Variants in KBTBD4 observed in about 807,000 individuals in gnomAD.
KBTBD4 encodes kelch repeat and BTB domain containing 4.
Under a neutral mutation model 43.9 loss-of-function variants are expected in KBTBD4, and 30 were observed. That is an observed-to-expected ratio of 0.68 (90% CI 0.51 to 0.93). The LOEUF (loss-of-function observed/expected upper bound fraction) is 0.93, where lower values mean the gene tolerates loss of function less well. Among genes scored for constraint, KBTBD4 ranks in the 40% least tolerant of loss-of-function variants. KBTBD4 has a pLI of 0.00. For missense variants in KBTBD4, 575 were observed against 668.8 expected, an observed-to-expected ratio of 0.86 and a Z score of 1.55; for synonymous variants, 258 against 256.9, an observed-to-expected ratio of 1.00 and a Z score of -0.04.
chr11:47,578,766 G>C lies in KBTBD4; in HGVS notation c.19+167C>G, dbSNP rs1033051502. 2.7e-6 allele frequency: 4 copies of C among 1,505,294 alleles called. No homozygotes were observed. The Admixed American group carries it at 6.4e-5, about 24-fold the overall frequency. 93.2% of individuals were successfully genotyped at this position (1,505,294 alleles called of 1,614,324 possible). A position where few individuals can be genotyped will look rare whatever the true frequency, so the allele number is the denominator to read the frequency against. On this transcript the variant is annotated intron_variant, in intron 1 of 3. Coordinates refer to ENST00000430070, the MANE Select transcript of KBTBD4 (RefSeq NM_018095.6). ...CCGCCCTCGTCAAAAGCTTGGCTCA[G>C]AGAGCGGGGGAGGGGTGTGTAGCGT...
chr11:47,576,304 C>G (rs1315421593), intron 2 of KBTBD4, among the ~76,000 whole-genome samples: 1 of 150,662 alleles, frequency 6.6e-6, no homozygotes, highest in Non-Finnish European at 1.5e-5. Flanking sequence ...GTAGCTGGGT[C>G]TACAGGCGCC....
chr11:47,577,153 A>AT (rs2097261215), intron 2 of KBTBD4, among the ~76,000 whole-genome samples: 1 of 152,346 alleles, frequency 6.6e-6, no homozygotes, highest in African/African-American at 2.4e-5. Flanking sequence ...TATAATACAA[A>AT]TCACTCCTCA....
Position 47,573,905 on chromosome 11 carries a change from C to T in KBTBD4, c.745-115G>A. The T allele has an allele frequency of 1.1e-6, 1 of 948,300 alleles. No homozygotes were observed. Among genetic ancestry groups the T allele is most frequent in the Non-Finnish European group, 1.6e-6 (1 of 635,382 alleles). 58.7% of individuals were successfully genotyped at this position (948,300 alleles called of 1,614,324 possible). On this transcript the variant is annotated intron_variant, in intron 3 of 3. Transcript: ENST00000430070. The surrounding 1 kb of genome is among the most constrained non-coding windows in gnomAD (Gnocchi z 4.1). ...ACTTGTTCCTAGCTTTATCATACTA[C>T]TCTCTAATTACTGTATGGCATCCAA...
chr11:47,575,827 A>G (rs2097258199), intron 2 of KBTBD4, 128 bp from the exon 3 acceptor site: 2 of 553,062 alleles, frequency 3.6e-6, no homozygotes, highest in Non-Finnish European at 6.4e-6. Context: ...ACATGCATAC[A>G]TACACATATA....
intron 1 of KBTBD4, 197 bp from the exon 2 acceptor site, chr11:47,578,225 C>G: frequency 1.7e-6 from 1 of 602,230 alleles, no homozygotes; most frequent in South Asian, 2.0e-5. Context: ...AGTGGCGCCC[C>G]TCCGCTAATG....
rs1342110121 is a variant in KBTBD4 at position 47,573,349 on chromosome 11, T to C, written c.1186A>G (p.Ile396Val). The change falls in exon 4 of 4, where the codon ATC becomes GTC. Residue 396 changes from isoleucine (I) to valine (V), a missense_variant. Ile to Val is a conservative substitution (Grantham distance 29). Coordinates refer to ENST00000430070, the MANE Select transcript of KBTBD4 (RefSeq NM_018095.6). This position sits in a 1 kb window ranked among gnomAD's most constrained non-coding sequence, Gnocchi z 4.1. ...TTCTCCTCCCCCCCTAGTAAGTAGA[T>C]GATCCCGTTGAGGTTGGCACCAGCA... The part of the protein sequence containing the change: ...GAAGANLNGI[I>V]YLLGGEENDL... The C allele has an allele frequency of 1.9e-6, 3 of 1,614,198 alleles. No individual in the cohort carries two copies. Among genetic ancestry groups the C allele is most frequent in the South Asian group, 1.1e-5 (1 of 91,080 alleles).
chr11:47,578,297 A>C (rs1267740452), intron 1 of KBTBD4: 1 of 585,182 alleles, frequency 1.7e-6, no homozygotes, highest in African/African-American at 1.9e-5. Flanking sequence ...ATTCCTTTCC[A>C]TAATGTTAAC....
At position 47,573,229 on chromosome 11, in the gene KBTBD4, C is replaced by T; in HGVS notation, c.1306G>A (p.Ala436Thr). 3 of 1,614,146 alleles carry T rather than the reference C, an allele frequency of 1.9e-6. No homozygotes were observed. The highest frequency in any genetic ancestry group is 2.5e-6 in the Non-Finnish European group (3 of 1,180,024). The change falls in exon 4 of 4, where the codon GCA (alanine) becomes ACA (threonine). Residue 436 changes from alanine to threonine, a missense_variant. Transcript: ENST00000430070. This position sits in a 1 kb window ranked among gnomAD's most constrained non-coding sequence, Gnocchi z 4.1. ...TGCACAGCTGCGTGCATGCGGCCTG[C>T]AAAGGGCAGCACATAGGGCTTCACA... The part of the protein sequence containing the change: ...CHVKPYVLPF[A>T]GRMHAAVHKD...
chr11:47,577,004 C>A (rs1396178440), intron 2 of KBTBD4, among the ~76,000 whole-genome samples: 1 of 152,126 alleles, frequency 6.6e-6, no homozygotes, highest in Non-Finnish European at 1.5e-5. Flanking sequence ...ATGGCTATAT[C>A]TCACTTGCAA....
At chr11:47,578,603 C>T (rs2153794966) in intron 1 of KBTBD4, 1 of 717,272 alleles carries the variant, frequency 1.4e-6, no homozygotes, top group Non-Finnish European at 2.5e-6. Context: ...CTCCCTATGG[C>T]TGCGTCCCAG....
chr11:47,578,786 T>C (rs2097265360), intron 1 of KBTBD4, 147 bp downstream of exon 1: 4 of 1,530,934 alleles, frequency 2.6e-6, no homozygotes, highest in African/African-American at 1.4e-5. Context: ...GAGGGGTGTG[T>C]AGCGTAGAAC....
In KBTBD4 at chr11:47,575,617, T is replaced by C. The variant is rs1399101692; in HGVS notation, c.720A>G (p.Ala240=). The change falls in exon 3 of 4, where the codon GCA becomes GCG. Residue 240 remains alanine, a synonymous_variant. Coordinates refer to ENST00000430070, the MANE Select transcript of KBTBD4 (RefSeq NM_018095.6). The stretch of plus-strand genomic sequence containing the variant: ...CCTTCAAGCTTGTCCTGAGTGACTC[T>C]GCAAAAGCCTCTCTTTCCTCTTTAT... ...NFNKEEREAF[A]ESLRTSLKEI... is the part of the protein sequence containing the mutation. 1.9e-6 allele frequency: 3 copies of C among 1,612,986 alleles called. No homozygotes were observed. In the South Asian group the frequency reaches 3.3e-5, roughly 18 times the overall value.
intron 2 of KBTBD4, among the ~76,000 whole-genome samples, chr11:47,576,841 T>G (rs1232254952): frequency 6.6e-6 from 1 of 152,076 alleles, no homozygotes; most frequent in Non-Finnish European, 1.5e-5. Flanking sequence ...CATGCCCAGC[T>G]AATTTTTGTA....
intron 3 of KBTBD4, among the ~76,000 whole-genome samples, chr11:47,574,747 G>C (rs1037678527): frequency 2.6e-5 from 4 of 152,048 alleles, no homozygotes; most frequent in African/African-American, 9.7e-5. Flanking sequence ...TCAGCTACTC[G>C]GGAGGCTGAG....
At chr11:47,575,724 G>T in intron 2 of KBTBD4, 25 bp from the exon 3 acceptor site, 1 of 1,419,802 alleles carries the variant, frequency 7.0e-7, no homozygotes, top group South Asian at 1.2e-5. Context: ...GGAAAGGCAT[G>T]GTCAATGACA....
chr11:47,578,733 A>G, intron 1 of KBTBD4, 200 bp downstream of exon 1: 1 of 1,446,172 alleles, frequency 6.9e-7, no homozygotes, highest in Non-Finnish European at 9.3e-7. Flanking sequence ...CTTCCCGCTC[A>G]GGCCCGCCCG....
At chr11:47,576,158 C>CTTT (rs11345162) in intron 2 of KBTBD4, among the ~76,000 whole-genome samples, 4 of 49,094 alleles carry the variant, frequency 8.1e-5, no homozygotes, top group East Asian at 8.1e-4. Context: ...GCGGGTCTTG[C>CTTT]TTTTTTTTTT....
chr11:47,577,617 G>T lies in KBTBD4; in HGVS notation c.431C>A (p.Thr144Lys), dbSNP rs768444132. Residue 144 changes from threonine (T) to lysine (K), a missense_variant, in exon 2 of 4, where the codon ACA becomes AAA. Coordinates refer to ENST00000430070, the MANE Select transcript of KBTBD4 (RefSeq NM_018095.6). ...IYEVSDMYQL[T>K]SLFEECSRFL... ...CCGAGAGCATTCCTCAAAGAGAGATGTCAGCTGATACATGTCTGACACCTC... is the reference window on the plus strand; with the variant it reads ...CCGAGAGCATTCCTCAAAGAGAGATTTCAGCTGATACATGTCTGACACCTC... The T allele has an allele frequency of 1.2e-6, 2 of 1,614,180 alleles. No individual in the cohort carries two copies. The highest frequency in any genetic ancestry group is 4.5e-5 in the East Asian group (2 of 44,886).
chr11:47,576,496 A>G (rs2097259815), intron 2 of KBTBD4: 2 of 151,958 alleles, frequency 1.3e-5, no homozygotes, highest in African/African-American at 4.8e-5. Context: ...TGAGCCCTCA[A>G]AAAGTTGGGT....
Sources: gnomAD v4.1 joint callset for allele counts (sites outside exome capture counted in the v4.1 genomes callset) on GRCh38, gnomAD v4.1.1 for gene constraint, Gnocchi (gnomAD v3.1) non-coding constraint, MANE v1.5 for transcripts, NCBI Gene and HGNC (gene_info 2026-07-23, HGNC 2026-07-21) for gene names.